Variants in CDAN1 observed in about 807,000 individuals in gnomAD.
CDAN1 encodes codanin-1.
In CDAN1, 107 loss-of-function variants were observed where a neutral mutation model predicts 139.8. The ratio of observed to expected loss-of-function variants is 0.77; its 90% CI spans 0.65 to 0.90. The LOEUF (loss-of-function observed/expected upper bound fraction) is 0.90, where lower values mean the gene tolerates loss of function less well. Among genes scored for constraint, CDAN1 ranks in the 40% least tolerant of loss-of-function variants. The probability of loss-of-function intolerance (pLI) is 0.00; values close to 1 mark genes in which losing one functional copy is unlikely to be tolerated. For missense variants in CDAN1, 1,667 were observed against 1,575.7 expected (o/e 1.06, Z -0.98); for synonymous variants, 776 against 660.6 (o/e 1.17, Z -2.68).
chr15:42,734,464 G>C (rs2061659901), intron 6 of CDAN1, 118 bp from the exon 7 acceptor site: 1 of 1,216,312 alleles, frequency 8.2e-7, no homozygotes, highest in Non-Finnish European at 1.2e-6. Context: ...GCCCAGATAT[G>C]TACTGCAAGG....
In CDAN1 at chr15:42,736,323, G is replaced by C. The variant is rs370757859; in HGVS notation, c.548C>G (p.Ser183Trp). 6.2e-7 allele frequency: 1 copy of C among 1,613,830 alleles called. No homozygotes were observed. Among genetic ancestry groups the C allele is most frequent in the South Asian group, 1.1e-5 (1 of 91,056 alleles). The change falls in exon 2 of 28, where the codon TCG becomes TGG. Residue 183 changes from serine to tryptophan, a missense_variant. Physicochemically the swap from Ser to Trp is radical, Grantham distance 177. Transcript: ENST00000356231. ...TCACCCTGTAGGGCCGGGGGGAACC[G>C]AGCCTACGGGAGGGAACTCCTCCAG... is the stretch of plus-strand genomic sequence containing the variant. ...SNLEEFPPVG[S>W]VPPGPTGTKP... is the part of the protein sequence containing the mutation.
intron 2 of CDAN1, 83 bp from the exon 3 acceptor site, chr15:42,736,161 C>A (rs1200995236): frequency 1.0e-5 from 16 of 1,571,110 alleles, no homozygotes; most frequent in Non-Finnish European, 1.4e-5. Flanking sequence ...AGACCTCTTG[C>A]CAAAAAACCC....
intron 14 of CDAN1, 136 bp from the exon 15 acceptor site, chr15:42,730,351 A>G: frequency 2.1e-6 from 2 of 930,578 alleles, no homozygotes; most frequent in South Asian, 1.3e-5. Context: ...GGATCCCCCC[A>G]GCCCCGCCTC....
At position 42,735,530 on chromosome 15, in the gene CDAN1, ACAAGGG is replaced by A; in HGVS notation, c.917_922del (p.Ala306_Leu307del). 6.2e-7 allele frequency: 1 copy of A among 1,614,194 alleles called. No individual in the cohort carries two copies. Among genetic ancestry groups the A allele is most frequent in the Non-Finnish European group, 8.5e-7 (1 of 1,180,034 alleles). On this transcript the variant is annotated inframe_deletion, in exon 4 of 28. Coordinates refer to ENST00000356231, the MANE Select transcript of CDAN1 (RefSeq NM_138477.4). ...CTCACCAGCAATGCACGAGGAGTAA[ACAAGGG>A]CTACAAGCTCCAGGCGCTGGCGGGA... is the stretch of plus-strand genomic sequence containing the variant.
At position 42,736,492 on chromosome 15, in the gene CDAN1, GC is replaced by G; in HGVS notation, c.378del (p.Pro127ArgfsTer55). The G allele has an allele frequency of 7.0e-7, 1 of 1,422,678 alleles. No homozygotes were observed. The allele number at this position is 1,422,678 out of a possible 1,614,324, so 88.1% of individuals were successfully genotyped here. A position where few individuals can be genotyped will look rare whatever the true frequency, so the allele number is the denominator to read the frequency against. On this transcript the variant is annotated frameshift_variant, in exon 2 of 28. Coordinates refer to ENST00000356231, the MANE Select transcript of CDAN1 (RefSeq NM_138477.4). LOFTEE classifies it high-confidence loss of function. ...ARRGGRRRGPGPARERGGRGL... is the reference protein window; with the variant it reads ...ARRGGRRRGPXPARERGGRGL... ...CCGCGGCCTCCACGCTCGCGGGCCG[GC>G]CCCGGGCCCCGCCTCCTGCCCCCGC...
At chr15:42,727,550 G>A in intron 23 of CDAN1, 71 bp downstream of exon 23, 11 of 1,389,604 alleles carry the variant, frequency 7.9e-6, no homozygotes, top group Non-Finnish European at 1.1e-5. Flanking sequence ...GCTGATGTGA[G>A]AAAGGAAAAA....
chr15:42,725,689 C>G lies in CDAN1; in HGVS notation c.3269-19G>C. The stretch of plus-strand genomic sequence containing the variant: ...TCTGCAACTGTGGAAAGAGGAAAGC[C>G]AAGCTTTAAAAGATGGGGGCAGGCC... On this transcript the variant is annotated intron_variant, in intron 25 of 27. Coordinates refer to ENST00000356231, the MANE Select transcript of CDAN1 (RefSeq NM_138477.4). 1 of 1,613,612 alleles carries G rather than the reference C, an allele frequency of 6.2e-7. No homozygotes were observed. Among genetic ancestry groups the G allele is most frequent in the East Asian group, 2.2e-5 (1 of 44,866 alleles).
chr15:42,735,056 G>A (rs764524232), intron 6 of CDAN1, 44 bp downstream of exon 6: 2 of 1,365,530 alleles, frequency 1.5e-6, no homozygotes, highest in South Asian at 1.2e-5. Flanking sequence ...GAGCTAAGCA[G>A]ATGATGAGAA....
intron 27 of CDAN1, 61 bp downstream of exon 27, chr15:42,725,083 A>T: frequency 1.4e-6 from 2 of 1,396,496 alleles, no homozygotes; most frequent in Non-Finnish European, 2.0e-6. Context: ...GCTTCCTTTC[A>T]GGACAGATGG....
At chr15:42,728,887 C>T (rs1223550087) in intron 19 of CDAN1, 77 bp from the exon 20 acceptor site, 1 of 1,605,178 alleles carries the variant, frequency 6.2e-7, no homozygotes, top group Non-Finnish European at 8.5e-7. Flanking sequence ...GGAATTTGGT[C>T]AGAAATTTGC....
At chr15:42,734,831 C>G (rs1357210656) in intron 6 of CDAN1, among the ~76,000 whole-genome samples, 1 of 142,140 alleles carries the variant, frequency 7.0e-6, no homozygotes, top group Non-Finnish European at 1.5e-5. Flanking sequence ...GTTGCCCAGG[C>G]TGGTCTAAAA....
rs760270139 is a variant in CDAN1 at position 42,737,094 on chromosome 15, G to A, written c.9C>T (p.Ala3=). ...CTTCTCGCAGCAGCGACTCCAAAAC[G>A]GCCGCCATCCCGGTCGGGGCGCTCT... The part of the protein sequence containing the change: MA[A]VLESLLREEV... Residue 3 remains alanine (A), a synonymous_variant, in exon 1 of 28, where the codon GCC becomes GCT. Transcript: ENST00000356231. 7.2e-6 allele frequency: 11 copies of A among 1,518,626 alleles called. No individual in the cohort carries two copies. The South Asian group carries it at 1.1e-4, about 15-fold the overall frequency. The allele number at this position is 1,518,626 out of a possible 1,614,324, so 94.1% of individuals were successfully genotyped here. A position where few individuals can be genotyped will look rare whatever the true frequency, so the allele number is the denominator to read the frequency against.
At chr15:42,735,398 C>G in intron 4 of CDAN1, 24 bp from the exon 5 acceptor site, 1 of 1,593,678 alleles carries the variant, frequency 6.3e-7, no homozygotes, top group Non-Finnish European at 8.6e-7. Flanking sequence ...AAAAGAAAGC[C>G]CATGGTATGG....
intron 25 of CDAN1, 142 bp from the exon 26 acceptor site, chr15:42,725,812 A>C: frequency 2.3e-6 from 2 of 874,122 alleles, no homozygotes; most frequent in Non-Finnish European, 3.5e-6. Context: ...GTGAAACCCC[A>C]TCTCTATTAA....
chr15:42,735,495 TCCGCTCTCA>T lies in CDAN1; in HGVS notation c.943+6_943+14del. ...TACAAGTGTCTCCACTCCCGCTCCC[TCCGCTCTCA>T]CTCACCAGCAATGCACGAGGAGTAA... On this transcript the variant is annotated splice_donor_region_variant and intron_variant, in intron 4 of 27. Coordinates refer to ENST00000356231, the MANE Select transcript of CDAN1 (RefSeq NM_138477.4). The T allele has an allele frequency of 6.2e-7, 1 of 1,614,136 alleles. No individual in the cohort carries two copies. Among genetic ancestry groups the T allele is most frequent in the Non-Finnish European group, 8.5e-7 (1 of 1,180,006 alleles).
intron 3 of CDAN1, 28 bp from the exon 4 acceptor site, chr15:42,735,707 G>C: frequency 1.9e-6 from 3 of 1,613,022 alleles, no homozygotes; most frequent in Non-Finnish European, 2.5e-6. Context: ...TTCATGAGCA[G>C]TCAGCTTGGC....
chr15:42,733,185 C>A lies in CDAN1; in HGVS notation c.1369G>T (p.Asp457Tyr). Residue 457 changes from aspartate (D) to tyrosine (Y), a missense_variant and splice_region_variant, in exon 9 of 28, where the codon GAT (aspartate) becomes TAT (tyrosine). This residue lies in a region of CDAN1 where 244 missense variants were observed against 309.4 expected (regional missense o/e 0.79). Transcript: ENST00000356231. ...RAFHTFKKQR[D>Y]VFYEVLREWE... Reference sequence around the variant, plus strand: ...TCTCGCAGCACCTCATAAAACACATCCCTGACGCATAAGAACGCCTGATCA... The same window carrying A: ...TCTCGCAGCACCTCATAAAACACATACCTGACGCATAAGAACGCCTGATCA... 6.2e-7 allele frequency: 1 copy of A among 1,614,018 alleles called. No individual in the cohort carries two copies. The highest frequency in any genetic ancestry group is 8.5e-7 in the Non-Finnish European group (1 of 1,179,884).
chr15:42,734,759 C>T (rs1179877687), intron 6 of CDAN1, among the ~76,000 whole-genome samples: 1 of 149,716 alleles, frequency 6.7e-6, no homozygotes, highest in Non-Finnish European at 1.5e-5. Context: ...GGATTATAGG[C>T]GCACTCCCCC....
chr15:42,726,485 G>T, intron 23 of CDAN1, 68 bp from the exon 24 acceptor site: 1 of 1,291,564 alleles, frequency 7.7e-7, no homozygotes, highest in Middle Eastern at 1.8e-4. Flanking sequence ...TTTGGCTTGG[G>T]ACAGGGATCA....
Sources: allele counts gnomAD v4.1 joint callset (sites outside exome capture counted in the v4.1 genomes callset), GRCh38; gene constraint gnomAD v4.1.1; regional missense constraint gnomAD v4.1.1; transcripts MANE v1.5; gene names NCBI Gene and HGNC (gene_info 2026-07-23, HGNC 2026-07-21).